Variants in GRM7 observed in about 807,000 individuals in gnomAD.
The protein encoded by GRM7 is metabotropic glutamate receptor 7.
Under a neutral mutation model 84.5 loss-of-function variants are expected in GRM7, and 35 were observed. The ratio of observed to expected loss-of-function variants is 0.41; its 90% CI spans 0.32 to 0.55. The LOEUF (loss-of-function observed/expected upper bound fraction) is 0.55, where lower values mean the gene tolerates loss of function less well. Among genes scored for constraint, GRM7 ranks in the 20% least tolerant of loss-of-function variants. The pLI, the probability that GRM7 is intolerant of heterozygous loss-of-function variation, is 0.19. For missense variants in GRM7, 1,003 were observed against 1,194.6 expected (o/e 0.84, Z 2.36); for synonymous variants, 487 against 455.1 (o/e 1.07, Z -0.89).
intron 1 of GRM7, among the ~76,000 whole-genome samples, chr3:6,922,203 A>G (rs1216005361): frequency 1.3e-5 from 2 of 152,292 alleles, no homozygotes; most frequent in East Asian, 3.9e-4. Context: ...ATACTACTTA[A>G]ACTTCCTCAC....
At chr3:7,298,896 G>T in intron 3 of GRM7, 71 bp downstream of exon 3, 2 of 1,336,462 alleles carry the variant, frequency 1.5e-6, no homozygotes, top group Non-Finnish European at 2.1e-6. Context: ...TAGGCTGCTG[G>T]CTGAGACAGG....
chr3:7,435,598 A>G (rs1199481932), intron 5 of GRM7, among the ~76,000 whole-genome samples: 1 of 150,762 alleles, frequency 6.6e-6, no homozygotes, highest in East Asian at 2.0e-4. Flanking sequence ...CTGCAACCTC[A>G]GCCTCCCGGC....
At chr3:7,713,816 T>C (rs1701680299) in intron 9 of GRM7, among the ~76,000 whole-genome samples, 1 of 147,926 alleles carries the variant, frequency 6.8e-6, no homozygotes, top group South Asian at 2.2e-4. Flanking sequence ...TTTTTTTTTT[T>C]TTTTTTTTAA....
intron 1 of GRM7, among the ~76,000 whole-genome samples, chr3:7,056,488 TGACTCCATTTTGA>T (rs1466781210): frequency 6.6e-6 from 1 of 152,002 alleles, no homozygotes; most frequent in Non-Finnish European, 1.5e-5. Context: ...CTGTCATAAG[TGACTCCATTTTGA>T]GACATTTAGG....
rs55678792 is a variant in GRM7 at position 7,547,194 on chromosome 3, C to CTTTTT, written c.1516-31202_1516-31198dup. ...CAGCACAGCCCCCAGAGAGTGAATT[C>CTTTTT]TTTTTTTTTTTTTTTTTTTTTTTTT... is the stretch of plus-strand genomic sequence containing the variant. On this transcript the variant is annotated intron_variant, in intron 7 of 9. Transcript: ENST00000357716. 4.2e-4 allele frequency among the ~76,000 whole-genome samples: 32 copies of CTTTTT among 76,424 alleles called. 3 individuals carry two copies. The South Asian group carries it at 4.9e-3, about 12-fold the overall frequency. The allele number at this position is 76,424 out of a possible 152,430, so 50.1% of individuals were successfully genotyped here.
chr3:7,677,261 TTAAAAAAAAA>T (rs1559481566), intron 8 of GRM7, among the ~76,000 whole-genome samples: 14 of 103,374 alleles, frequency 1.4e-4, no homozygotes, highest in Non-Finnish European at 7.0e-5. Context: ...GACTCTGTCT[TTAAAAAAAAA>T]AAAAAAAAAA....
At chr3:6,898,663 A>G (rs1676620946) in intron 1 of GRM7, among the ~76,000 whole-genome samples, 1 of 152,018 alleles carries the variant, frequency 6.6e-6, no homozygotes, top group African/African-American at 2.4e-5. Context: ...AGGTTGGCTG[A>G]GGTTACCTAT....
chr3:7,095,763 AT>A (rs1423152149), intron 1 of GRM7, among the ~76,000 whole-genome samples: 1 of 152,110 alleles, frequency 6.6e-6, no homozygotes, highest in African/African-American at 2.4e-5. Flanking sequence ...ATGTAGCCAT[AT>A]TTTTTTCTAG....
intron 2 of GRM7, among the ~76,000 whole-genome samples, chr3:7,295,319 T>C (rs1699776615): frequency 6.6e-6 from 1 of 152,172 alleles, no homozygotes; most frequent in South Asian, 2.1e-4. Flanking sequence ...TTGGTATACT[T>C]CTGAGCCTCT....
At chr3:7,411,260 T>A (rs1420103813) in intron 4 of GRM7, among the ~76,000 whole-genome samples, 1 of 152,204 alleles carries the variant, frequency 6.6e-6, no homozygotes, top group Non-Finnish European at 1.5e-5. Flanking sequence ...TTCACAAGTT[T>A]AGGGGGTTAG....
intron 7 of GRM7, among the ~76,000 whole-genome samples, chr3:7,557,528 A>G (rs1693830000): frequency 6.6e-6 from 1 of 152,262 alleles, no homozygotes; most frequent in Non-Finnish European, 1.5e-5. Flanking sequence ...CCATGTTTTG[A>G]GTGCTTTTAG....
intron 1 of GRM7, among the ~76,000 whole-genome samples, chr3:7,108,648 A>G (rs912040756): frequency 2.6e-5 from 4 of 152,012 alleles, no homozygotes; most frequent in African/African-American, 4.8e-5. Context: ...GGACCATCTC[A>G]TTTGACATCT....
intron 9 of GRM7, among the ~76,000 whole-genome samples, chr3:7,729,816 C>T (rs1702248274): frequency 6.6e-6 from 1 of 150,992 alleles, no homozygotes; most frequent in Non-Finnish European, 1.5e-5. Flanking sequence ...AGGGATTCTC[C>T]TGCGTCAGCC....
At chr3:7,425,439 A>G (rs1575317791) in intron 5 of GRM7, among the ~76,000 whole-genome samples, 1 of 152,316 alleles carries the variant, frequency 6.6e-6, no homozygotes, top group East Asian at 1.9e-4. Flanking sequence ...CTCTGAATAT[A>G]TCTCATTTGC....
At chr3:7,522,970 A>T (rs1163362348) in intron 7 of GRM7, among the ~76,000 whole-genome samples, 1 of 152,150 alleles carries the variant, frequency 6.6e-6, no homozygotes, top group African/African-American at 2.4e-5. Flanking sequence ...GTAAGGATGC[A>T]GCAAGAAGGC....
chr3:6,898,056 G>A (rs761667467), intron 1 of GRM7, among the ~76,000 whole-genome samples: 204 of 152,280 alleles, frequency 1.3e-3, no homozygotes, highest in Non-Finnish European at 2.1e-3. Context: ...CTCCATTGGT[G>A]AACCCAGTGA....
rs1158871205 is a variant in GRM7, at chr3:7,572,823, AAT to A, written c.1516-5543_1516-5542del. 8.6e-3 allele frequency among the ~76,000 whole-genome samples: 107 copies of A among 12,408 alleles called. 1 individual carries two copies. Among genetic ancestry groups the A allele is most frequent in the Non-Finnish European group, 0.012 (76 of 6,522 alleles). 8.1% of individuals were successfully genotyped at this position (12,408 alleles called of 152,430 possible). A position where few individuals can be genotyped will look rare whatever the true frequency, so the allele number is the denominator to read the frequency against. On this transcript the variant is annotated intron_variant, in intron 7 of 9. Coordinates refer to ENST00000357716, the MANE Select transcript of GRM7 (RefSeq NM_000844.4). ...GGCGACAGAGTGAGACTCTATCTCA[AAT>A]ATATATATATATATATATATATATA...
intron 1 of GRM7, among the ~76,000 whole-genome samples, chr3:7,037,205 T>G (rs1696418570): frequency 6.6e-6 from 1 of 152,188 alleles, no homozygotes; most frequent in Non-Finnish European, 1.5e-5. Context: ...GGCTTTCCAT[T>G]AGCTTCATTT....
At chr3:7,051,234 A>G (rs1696988550) in intron 1 of GRM7, among the ~76,000 whole-genome samples, 1 of 151,728 alleles carries the variant, frequency 6.6e-6, no homozygotes, top group Non-Finnish European at 1.5e-5. Context: ...CTTTAATTTT[A>G]CAAAAACGTT....
Sources: gnomAD v4.1 joint callset for allele counts (sites outside exome capture counted in the v4.1 genomes callset) on GRCh38, gnomAD v4.1.1 for gene constraint, MANE v1.5 for transcripts, NCBI Gene and HGNC (gene_info 2026-07-23, HGNC 2026-07-21) for gene names.